SHOX: variants seen among roughly 807,000 people sequenced by gnomAD.
SHOX encodes short stature homeobox protein.
In SHOX, 12 loss-of-function variants were observed where a neutral mutation model predicts 29.6. That is an observed-to-expected ratio of 0.41 (90% CI 0.26 to 0.66). The LOEUF (loss-of-function observed/expected upper bound fraction) is 0.66, where lower values mean the gene tolerates loss of function less well. SHOX is among the 30% of genes least tolerant of loss of function. The pLI, the probability that SHOX is intolerant of heterozygous loss-of-function variation, is 0.35. For missense variants in SHOX, 499 were observed against 437.7 expected (o/e 1.14, Z -1.25); for synonymous variants, 214 against 200.6 (o/e 1.07, Z -0.57).
rs1436770425 is a variant in SHOX, at chrX:657,730, C to T, written c.634-1055C>T. Among the ~76,000 whole-genome samples the T allele has an allele frequency of 3.9e-5, 6 of 152,034 alleles. 1 individual carries two copies. The highest frequency in any genetic ancestry group is 5.9e-5 in the Non-Finnish European group (4 of 68,038). Reference sequence around the variant, plus strand: ...ATGCCCTTCTCAGAAGCGAGTTGAACGATTGTTGGAAAAGATAAAATACGA... The same window carrying T: ...ATGCCCTTCTCAGAAGCGAGTTGAATGATTGTTGGAAAAGATAAAATACGA... On this transcript the variant is annotated intron_variant, in intron 5 of 5. Coordinates refer to the SHOX transcript ENST00000334060.
chrX:635,399 C>G (rs1603285672), intron 2 of SHOX, among the ~76,000 whole-genome samples: 2 of 152,160 alleles, frequency 1.3e-5, no homozygotes, highest in South Asian at 4.1e-4. Context: ...GAGGGGTGTC[C>G]TCTGTCCCTA....
At position 651,552 on chromosome X, in the gene SHOX, A is replaced by G; in HGVS notation, c.*6916A>G. 3.2e-6 allele frequency: 1 copy of G among 314,754 alleles called. No individual in the cohort carries two copies. Among genetic ancestry groups the G allele is most frequent in the South Asian group, 2.9e-5 (1 of 34,288 alleles). 19.5% of individuals were successfully genotyped at this position (314,754 alleles called of 1,614,324 possible). A position where few individuals can be genotyped will look rare whatever the true frequency, so the allele number is the denominator to read the frequency against. The stretch of plus-strand genomic sequence containing the variant: ...GTAGTATGAATGTACATCTTGTAAA[A>G]CTGAGATATAAATAAACTTATAAAT... On this transcript the variant is annotated 3_prime_UTR_variant, in exon 5 of 5. Transcript: ENST00000686671.
At chrX:627,838 G>C (rs1470073046), upstream of SHOX, among the ~76,000 whole-genome samples, 1 of 152,154 alleles carries the variant, frequency 6.6e-6, no homozygotes, top group Non-Finnish European at 1.5e-5. Flanking sequence ...CTGGTCCTTG[G>C]GGTTGGAGAA....
chrX:656,925 CAA>C (rs57866699), intron 5 of SHOX, among the ~76,000 whole-genome samples: 39 of 5,278 alleles, frequency 7.4e-3, no homozygotes, highest in Non-Finnish European at 0.011. Context: ...GACTCCGTCT[CAA>C]AAAAAAAAAA....
chrX:654,788 G>C (rs1354251088), downstream of SHOX, among the ~76,000 whole-genome samples: 1 of 151,666 alleles, frequency 6.6e-6, no homozygotes, highest in Non-Finnish European at 1.5e-5. Context: ...GGGTTCAAGC[G>C]ATTTTCCTGC....
chrX:640,123 T>C (rs35599512), intron 2 of SHOX, among the ~76,000 whole-genome samples: 57,046 of 151,072 alleles, frequency 0.38, 11,314 homozygotes, highest in Middle Eastern at 0.47. Flanking sequence ...GGAGGGTGGA[T>C]CGCTTGAGGT....
rs2052995990 is a variant in SHOX at position 648,508 on chromosome X, C to T, written c.*3872C>T. ...CCTCGCAAAGTGCTGGGATTACAGGCGTGAGCCACCGCACCTGGCCTGAAT... is the reference window on the plus strand; with the variant it reads ...CCTCGCAAAGTGCTGGGATTACAGGTGTGAGCCACCGCACCTGGCCTGAAT... On this transcript the variant is annotated 3_prime_UTR_variant, in exon 5 of 5. Transcript: ENST00000686671. Among the ~76,000 whole-genome samples, 2 of 152,206 alleles carry T rather than the reference C, an allele frequency of 1.3e-5. No homozygotes were observed. The highest frequency in any genetic ancestry group is 2.4e-5 in the African/African-American group (1 of 41,446).
intron 4 of SHOX, 27 bp from the exon 5 acceptor site, chrX:644,364 C>A: frequency 6.6e-7 from 1 of 1,514,212 alleles, no homozygotes; most frequent in Admixed American, 2.0e-5. Flanking sequence ...ATCCTGCGCC[C>A]TCACCCCGCC....
chrX:634,545 A>G, intron 1 of SHOX, 73 bp from the exon 2 acceptor site: 6 of 1,518,486 alleles, frequency 4.0e-6, no homozygotes, highest in Non-Finnish European at 4.5e-6. Context: ...CCACCGCGGG[A>G]TGCACGAAGG....
rs2052925859 is a variant in SHOX, at chrX:644,427, G to A, written c.670G>A (p.Ala224Thr). ...AQLQLEGVAH[A>T]HPHLHPHLAA... ...GCTGCAGCTGGAAGGCGTGGCCCAC[G>A]CGCACCCGCACCTGCACCCGCACCT... The change falls in exon 5 of 5, where the codon GCG (alanine) becomes ACG (threonine). Residue 224 changes from alanine to threonine, a missense_variant. Transcript: ENST00000686671. 4.6e-6 allele frequency: 7 copies of A among 1,521,148 alleles called. No homozygotes were observed. In the East Asian group the frequency reaches 1.3e-4, roughly 28 times the overall value. The allele number at this position is 1,521,148 out of a possible 1,614,324, so 94.2% of individuals were successfully genotyped here. A position where few individuals can be genotyped will look rare whatever the true frequency, so the allele number is the denominator to read the frequency against.
At chrX:628,077 T>C (rs2052570335), upstream of SHOX, among the ~76,000 whole-genome samples, 1 of 152,074 alleles carries the variant, frequency 6.6e-6, no homozygotes, top group Non-Finnish European at 1.5e-5. Context: ...TCCCTCTTTC[T>C]CTTCCCCCTC....
intron 2 of SHOX, among the ~76,000 whole-genome samples, chrX:637,631 G>A (rs887046937): frequency 2.0e-5 from 3 of 152,124 alleles, no homozygotes; most frequent in African/African-American, 4.8e-5. Context: ...CGGGGGGAAA[G>A]GATCCTATAG....
chrX:631,354 G>C (rs973116863), intron 1 of SHOX, 180 bp downstream of exon 1: 13 of 332,486 alleles, frequency 3.9e-5, no homozygotes, highest in Non-Finnish European at 4.7e-5. Context: ...GGACCCGACC[G>C]GAGACGCGGG....
intron 1 of SHOX, among the ~76,000 whole-genome samples, chrX:625,586 CTCTT>C (rs1343851963): frequency 1.3e-5 from 2 of 150,744 alleles, no homozygotes; most frequent in Non-Finnish European, 2.9e-5. Context: ...ATCTCTGTCT[CTCTT>C]TCTCTCTCTC....
chrX:644,618 G>T lies in SHOX; in HGVS notation c.861G>T (p.Ala287=). Residue 287 remains alanine, a synonymous_variant, in exon 5 of 5, where the codon GCG becomes GCT. Coordinates refer to ENST00000686671, the MANE Select transcript of SHOX (RefSeq NM_000451.4). ...ADLRLKARKH[A]EALGL ...TGCGGCTCAAGGCGCGGAAGCACGC[G>T]GAGGCCCTGGGGCTCTGACCCGCCG... The T allele has an allele frequency of 6.6e-7, 1 of 1,505,780 alleles. No individual in the cohort carries two copies. Among genetic ancestry groups the T allele is most frequent in the Admixed American group, 2.1e-5 (1 of 48,286 alleles). The allele number at this position is 1,505,780 out of a possible 1,614,324, so 93.3% of individuals were successfully genotyped here.
At chrX:659,050 C>G (rs1603292431) in exon 6 of SHOX, 1 of 157,242 alleles carries the variant, frequency 6.4e-6, no homozygotes, top group African/African-American at 2.4e-5. Context: ...CAGGCGTGAG[C>G]CCCTGCGCCC....
chrX:644,063 T>C (rs982641291), intron 4 of SHOX, among the ~76,000 whole-genome samples: 9 of 151,874 alleles, frequency 5.9e-5, no homozygotes, highest in African/African-American at 2.2e-4. Flanking sequence ...GAGAGAACGT[T>C]GTGAGCCAAA....
At chrX:655,080 C>G (rs2053118664), downstream of SHOX, among the ~76,000 whole-genome samples, 1 of 151,784 alleles carries the variant, frequency 6.6e-6, no homozygotes, top group Non-Finnish European at 1.5e-5. Context: ...GAGACCACAT[C>G]TCTAAATAAA....
At chrX:634,854 G>GC (rs2052716093) in intron 2 of SHOX, 28 bp downstream of exon 2, 1 of 1,545,558 alleles carries the variant, frequency 6.5e-7, no homozygotes. Flanking sequence ...GGGGCGGGGG[G>GC]CCCGGAGCCA....
Sources: gnomAD v4.1 joint callset for allele counts (sites outside exome capture counted in the v4.1 genomes callset) on GRCh38, gnomAD v4.1.1 for gene constraint, MANE v1.5 for transcripts, NCBI Gene and HGNC (gene_info 2026-07-23, HGNC 2026-07-21) for gene names.